RHBDL2: variants seen among roughly 807,000 people sequenced by gnomAD.
The protein encoded by RHBDL2 is rhomboid like 2.
Under a neutral mutation model 31.7 loss-of-function variants are expected in RHBDL2, and 26 were observed. That is an observed-to-expected ratio of 0.82 (90% CI 0.60 to 1.14). The LOEUF (loss-of-function observed/expected upper bound fraction) is 1.14, where lower values mean the gene tolerates loss of function less well. RHBDL2 is among the 50% of genes most tolerant of loss of function. The pLI, the probability that RHBDL2 is intolerant of heterozygous loss-of-function variation, is 0.00. For synonymous variants in RHBDL2, 123 were observed against 127.2 expected, an observed-to-expected ratio of 0.97 and a Z score of 0.22; for missense variants, 336 against 364.4, an observed-to-expected ratio of 0.92 and a Z score of 0.63.
chr1:38,915,135 C>CTTT (rs879910855), intron 3 of RHBDL2, among the ~76,000 whole-genome samples: 1 of 142,500 alleles, frequency 7.0e-6, no homozygotes. Flanking sequence ...GTGACTACAT[C>CTTT]TTTTTTTTTT....
chr1:38,897,104 T>G (rs1570915481), intron 4 of RHBDL2, among the ~76,000 whole-genome samples: 6 of 138,330 alleles, frequency 4.3e-5, no homozygotes, highest in African/African-American at 1.6e-4. Flanking sequence ...TTGAAGAATC[T>G]TTTTTTTTTT....
intron 1 of RHBDL2, among the ~76,000 whole-genome samples, chr1:38,925,699 C>T (rs1643367709): frequency 1.3e-5 from 2 of 152,104 alleles, no homozygotes; most frequent in Non-Finnish European, 2.9e-5. Flanking sequence ...AGCCAAAAAA[C>T]AAAGTTACTG....
At chr1:38,938,824 T>C (rs1643535695) in intron 1 of RHBDL2, among the ~76,000 whole-genome samples, 1 of 152,186 alleles carries the variant, frequency 6.6e-6, no homozygotes, top group South Asian at 2.1e-4. Flanking sequence ...AATGTCTTCT[T>C]TGTATTATAA....
At position 38,906,849 on chromosome 1, in the gene RHBDL2, C is replaced by T. The variant is rs142159785; in HGVS notation, c.508+4473G>A. Reference sequence around the variant, plus strand: ...TATCAGTTCTCCCCAAATTGATGTACAGATTTAAGGCAACTCCTATCAAAA... The same window carrying T: ...TATCAGTTCTCCCCAAATTGATGTATAGATTTAAGGCAACTCCTATCAAAA... On this transcript the variant is annotated intron_variant, in intron 4 of 7. Coordinates refer to ENST00000372990, the MANE Select transcript of RHBDL2 (RefSeq NM_017821.5). Among the ~76,000 whole-genome samples the T allele has an allele frequency of 5.1e-4, 77 of 152,214 alleles. 1 individual carries two copies. Among genetic ancestry groups the T allele is most frequent in the African/African-American group, 1.8e-3 (73 of 41,524 alleles).
chr1:38,902,623 T>C (rs2124314477), intron 4 of RHBDL2, among the ~76,000 whole-genome samples: 1 of 152,184 alleles, frequency 6.6e-6, no homozygotes, highest in East Asian at 1.9e-4. Context: ...GGTTTCACCA[T>C]GTTGGTCGGG....
rs1279414987 is a variant in RHBDL2 at position 38,906,700 on chromosome 1, A to C, written c.508+4622T>G. ...AAAAAAAAAAAGAATAACATGCACA[A>C]ATCAATTGTGTTTCTATATACTAGC... On this transcript the variant is annotated intron_variant, in intron 4 of 7. Transcript: ENST00000372990. 3.9e-5 allele frequency among the ~76,000 whole-genome samples: 6 copies of C among 152,282 alleles called. No homozygotes were observed. In the East Asian group the frequency reaches 1.2e-3, roughly 29 times the overall value.
At chr1:38,931,587 A>T (rs951378647) in intron 1 of RHBDL2, among the ~76,000 whole-genome samples, 1 of 151,712 alleles carries the variant, frequency 6.6e-6, no homozygotes, top group Non-Finnish European at 1.5e-5. Flanking sequence ...CTCCCAGGGG[A>T]TTCTTATATA....
intron 1 of RHBDL2, among the ~76,000 whole-genome samples, chr1:38,932,960 G>A (rs1208725727): frequency 1.3e-5 from 2 of 152,076 alleles, no homozygotes; most frequent in African/African-American, 2.4e-5. Context: ...TCTTCACTCT[G>A]TTTCCACTCC....
Position 38,931,240 on chromosome 1 carries a change from G to T in RHBDL2, c.-126+10442C>A, listed in dbSNP as rs143390922. On this transcript the variant is annotated intron_variant, in intron 1 of 7. Coordinates refer to ENST00000372990, the MANE Select transcript of RHBDL2 (RefSeq NM_017821.5). ...AGGTCTTGTTCAGAAATCTGCAGGC[G>T]GCCAGGCACTATGGCTCACGCCTGT... Among the ~76,000 whole-genome samples the T allele has an allele frequency of 5.3e-3, 814 of 152,254 alleles. 2 individuals are homozygous for T. The highest frequency in any genetic ancestry group is 0.017 in the African/African-American group (705 of 41,548).
intron 1 of RHBDL2, among the ~76,000 whole-genome samples, chr1:38,934,564 G>T (rs1227433640): frequency 4.7e-5 from 7 of 148,994 alleles, no homozygotes; most frequent in African/African-American, 1.5e-4. Context: ...GTGGAGGTAG[G>T]AGAATCGCTT....
chr1:38,888,076 C>G (rs763755175), intron 6 of RHBDL2, 52 bp from the exon 7 acceptor site: 28 of 1,272,798 alleles, frequency 2.2e-5, no homozygotes, highest in Non-Finnish European at 3.0e-5. Context: ...AGTAGTACAC[C>G]AAATGTTTTT....
intron 6 of RHBDL2, among the ~76,000 whole-genome samples, chr1:38,891,852 A>G (rs145795509): frequency 3.2e-4 from 48 of 152,330 alleles, no homozygotes; most frequent in African/African-American, 1.2e-3. Flanking sequence ...CTTAGGCTTT[A>G]TCAGGTATAA....
At chr1:38,923,815 A>G (rs2124344620) in intron 1 of RHBDL2, among the ~76,000 whole-genome samples, 2 of 152,132 alleles carry the variant, frequency 1.3e-5, no homozygotes, top group East Asian at 3.9e-4. Flanking sequence ...CAAACCTCCT[A>G]CCTCTTATCT....
chr1:38,938,014 C>T (rs566442538), intron 1 of RHBDL2, among the ~76,000 whole-genome samples: 38 of 145,470 alleles, frequency 2.6e-4, no homozygotes, highest in Non-Finnish European at 3.8e-4. Flanking sequence ...GTGTCATTCT[C>T]ATTGCTAATT....
chr1:38,909,717 G>C (rs1468623895), intron 4 of RHBDL2, among the ~76,000 whole-genome samples: 1 of 151,672 alleles, frequency 6.6e-6, no homozygotes, highest in African/African-American at 2.4e-5. Flanking sequence ...ACTCCAGCCT[G>C]GACGACAGGG....
chr1:38,919,105 A>G lies in RHBDL2; in HGVS notation c.108T>C (p.Gly36=), dbSNP rs999053087. 2 of 1,613,156 alleles carry G rather than the reference A, an allele frequency of 1.2e-6. No homozygotes were observed. The highest frequency in any genetic ancestry group is 3.3e-5 in the Admixed American group (2 of 59,858). Residue 36 remains glycine (G), a synonymous_variant, in exon 2 of 8, where the codon GGT becomes GGC. Coordinates refer to ENST00000372990, the MANE Select transcript of RHBDL2 (RefSeq NM_017821.5). ...CCTTTTTACTCTTGGCCCGATCTTT[A>G]CCTCCCCCATCCTCTCTCATTTTCT... The part of the protein sequence containing the change: ...EEEKMREDGG[G]KDRAKSKKVH...
At chr1:38,925,732 T>G (rs1643368175) in intron 1 of RHBDL2, among the ~76,000 whole-genome samples, 1 of 152,170 alleles carries the variant, frequency 6.6e-6, no homozygotes, top group African/African-American at 2.4e-5. Context: ...CCACTTTCTC[T>G]TTGTTTATAT....
intron 1 of RHBDL2, among the ~76,000 whole-genome samples, chr1:38,930,263 C>A (rs1388491189): frequency 6.6e-6 from 1 of 152,180 alleles, no homozygotes; most frequent in Non-Finnish European, 1.5e-5. Flanking sequence ...CTCTACAGAA[C>A]CACTTTCGCT....
rs1642789625 is a variant in RHBDL2 at position 38,886,689 on chromosome 1, G to A, written c.733-6C>T. On this transcript the variant is annotated splice_polypyrimidine_tract_variant and splice_region_variant and intron_variant, in intron 7 of 7. Transcript: ENST00000372990. ...ATGTGAGCTGCAAAAGACACCTTGG[G>A]AGAAAAGGAGGGAAAATGGAAATAA... The A allele has an allele frequency of 6.5e-7, 1 of 1,529,636 alleles. No homozygotes were observed. Among genetic ancestry groups the A allele is most frequent in the Non-Finnish European group, 8.8e-7 (1 of 1,132,734 alleles). The allele number at this position is 1,529,636 out of a possible 1,614,324, so 94.8% of individuals were successfully genotyped here.
Sources: gnomAD v4.1 joint callset for allele counts (sites outside exome capture counted in the v4.1 genomes callset) on GRCh38, gnomAD v4.1.1 for gene constraint, MANE v1.5 for transcripts, NCBI Gene and HGNC (gene_info 2026-07-23, HGNC 2026-07-21) for gene names.